ATP2B2: variants seen among roughly 807,000 people sequenced by gnomAD.
ATP2B2 encodes the protein plasma membrane calcium-transporting ATPase 2.
In ATP2B2, 15 loss-of-function variants were observed where a neutral mutation model predicts 120.0. The observed-to-expected ratio is 0.12, with a 90% CI of 0.08 to 0.19. The LOEUF is 0.19. Among genes scored for constraint, ATP2B2 ranks in the 10% least tolerant of loss-of-function variants. The pLI is 1.00. For synonymous variants in ATP2B2, 694 were observed against 700.3 expected (o/e 0.99, Z 0.14); for missense variants, 1,045 against 1,719.8 (o/e 0.61, Z 6.94).
intron 2 of ATP2B2, among the ~76,000 whole-genome samples, chr3:10,595,164 G>C (rs991274161): frequency 2.6e-5 from 4 of 152,242 alleles, no homozygotes; most frequent in African/African-American, 9.6e-5. Context: ...ACACTGGACA[G>C]ATCCCTCCCA....
At chr3:10,597,787 C>T (rs2068808190) in intron 2 of ATP2B2, among the ~76,000 whole-genome samples, 1 of 152,172 alleles carries the variant, frequency 6.6e-6, no homozygotes, top group Non-Finnish European at 1.5e-5. Flanking sequence ...GTAAACTCTA[C>T]ATACATTTCA....
At chr3:10,385,138 T>G (rs1575080967) in intron 8 of ATP2B2, 130 bp downstream of exon 8, 1 of 920,730 alleles carries the variant, frequency 1.1e-6, no homozygotes, top group Non-Finnish European at 1.7e-6. Flanking sequence ...TGTGAGAAGG[T>G]GACTGTCCCA....
intron 3 of ATP2B2, among the ~76,000 whole-genome samples, chr3:10,519,145 C>G (rs2066932712): frequency 6.6e-6 from 1 of 152,182 alleles, no homozygotes; most frequent in Non-Finnish European, 1.5e-5. Context: ...AGGCAGCTTG[C>G]CCAAGGTCAA....
chr3:10,397,879 C>G (rs963864016), intron 5 of ATP2B2, among the ~76,000 whole-genome samples: 3 of 152,210 alleles, frequency 2.0e-5, no homozygotes, highest in Admixed American at 1.3e-4. Flanking sequence ...ATAATGGTCC[C>G]AACTGTTACA....
At chr3:10,480,939 C>T (rs1416462431) in intron 1 of ATP2B2, among the ~76,000 whole-genome samples, 4 of 152,236 alleles carry the variant, frequency 2.6e-5, no homozygotes, top group Non-Finnish European at 5.9e-5. Context: ...GCCCCGTCAC[C>T]CCTCCCTCTC....
intron 1 of ATP2B2, among the ~76,000 whole-genome samples, chr3:10,662,864 T>C (rs2070824105): frequency 6.6e-6 from 1 of 152,000 alleles, no homozygotes; most frequent in African/African-American, 2.4e-5. Context: ...AATGATAGAC[T>C]GGATTAAGAA....
At chr3:10,394,492 C>T (rs371470144) in intron 5 of ATP2B2, 7 of 471,064 alleles carry the variant, frequency 1.5e-5, no homozygotes, top group African/African-American at 1.2e-4. Context: ...GACTTGAACC[C>T]GTGCTCTATC....
intron 1 of ATP2B2, among the ~76,000 whole-genome samples, chr3:10,482,405 A>C (rs547010688): frequency 6.6e-6 from 1 of 152,358 alleles, no homozygotes; most frequent in Non-Finnish European, 1.5e-5. Flanking sequence ...CTACTCAGCC[A>C]ACTGATCCTG....
intron 1 of ATP2B2, among the ~76,000 whole-genome samples, chr3:10,681,891 G>T (rs967543687): frequency 1.6e-4 from 25 of 152,276 alleles, no homozygotes; most frequent in Admixed American, 5.9e-4. Context: ...TTTGCAATTT[G>T]GTATAGAGAA....
chr3:10,438,133 C>T (rs986171668), intron 2 of ATP2B2, among the ~76,000 whole-genome samples: 1 of 152,170 alleles, frequency 6.6e-6, no homozygotes, highest in African/African-American at 2.4e-5. Context: ...CAAGTCCCTT[C>T]TCTCCTGGGT....
chr3:10,528,860 C>T (rs761936243), intron 3 of ATP2B2, among the ~76,000 whole-genome samples: 1 of 152,274 alleles, frequency 6.6e-6, no homozygotes, highest in African/African-American at 2.4e-5. Context: ...TTGCTTGGTG[C>T]TGGTGTCAGT....
intron 12 of ATP2B2, among the ~76,000 whole-genome samples, chr3:10,364,722 AT>A (rs1161454707): frequency 1.4e-4 from 21 of 151,990 alleles, no homozygotes; most frequent in African/African-American, 4.8e-4. Flanking sequence ...GGGAAAAAAA[AT>A]AATAATAATA....
At chr3:10,366,670 G>T (rs2061068467) in intron 12 of ATP2B2, among the ~76,000 whole-genome samples, 1 of 152,196 alleles carries the variant, frequency 6.6e-6, no homozygotes, top group African/African-American at 2.4e-5. Context: ...ACAGACATGG[G>T]CAGAACAGGG....
intron 1 of ATP2B2, among the ~76,000 whole-genome samples, chr3:10,681,955 G>A (rs1225748005): frequency 1.3e-5 from 2 of 152,196 alleles, no homozygotes; most frequent in Non-Finnish European, 2.9e-5. Flanking sequence ...TTATATGAAT[G>A]GATGATTGGC....
At chr3:10,546,360 C>T (rs922027531) in intron 2 of ATP2B2, among the ~76,000 whole-genome samples, 8 of 152,316 alleles carry the variant, frequency 5.3e-5, no homozygotes, top group African/African-American at 9.6e-5. Context: ...ACAAATGATG[C>T]CTGTGTGTCC....
chr3:10,675,377 CCAT>C (rs1207581988), intron 1 of ATP2B2, among the ~76,000 whole-genome samples: 4 of 152,234 alleles, frequency 2.6e-5, no homozygotes, highest in Non-Finnish European at 5.9e-5. Context: ...CTTTCATTCA[CCAT>C]GACTTTTGTG....
intron 8 of ATP2B2, among the ~76,000 whole-genome samples, chr3:10,382,487 C>T (rs2125552272): frequency 1.3e-5 from 2 of 151,610 alleles, no homozygotes; most frequent in East Asian, 1.9e-4. Flanking sequence ...GCTGGGATTA[C>T]AGGTGCCCAC....
intron 2 of ATP2B2, among the ~76,000 whole-genome samples, chr3:10,564,190 C>T (rs1361845429): frequency 1.3e-5 from 2 of 152,194 alleles, no homozygotes; most frequent in African/African-American, 4.8e-5. Flanking sequence ...ATAACCAATC[C>T]CTTGGGGGCT....
chr3:10,391,781 T>C (rs55683692), intron 5 of ATP2B2, among the ~76,000 whole-genome samples: 8,358 of 152,280 alleles, frequency 0.055, 277 homozygotes, highest in South Asian at 0.082. Flanking sequence ...TTCCAATCCC[T>C]TCTTCGAGGG....
Sources: gnomAD v4.1 joint callset for allele counts (sites outside exome capture counted in the v4.1 genomes callset) on GRCh38, gnomAD v4.1.1 for gene constraint, MANE v1.5 for transcripts, NCBI Gene and HGNC (gene_info 2026-07-23, HGNC 2026-07-21) for gene names.